SNTG1: variants seen among roughly 807,000 people sequenced by gnomAD.
SNTG1 encodes the protein gamma-1-syntrophin.
A neutral mutation model predicts 74.7 loss-of-function variants in SNTG1; 39 were observed. That is an observed-to-expected ratio of 0.52 (90% CI 0.40 to 0.68). The LOEUF is 0.68. Ranked by LOEUF, SNTG1 falls within the 30% of genes least tolerant of loss-of-function variation. The pLI, the probability that SNTG1 is intolerant of heterozygous loss-of-function variation, is 0.00. For synonymous variants in SNTG1, 254 were observed against 217.1 expected (o/e 1.17, Z -1.49); for missense variants, 685 against 609.5 (o/e 1.12, Z -1.30).
chr8:50,677,639 A>T (rs2095314484), intron 15 of SNTG1, among the ~76,000 whole-genome samples: 1 of 152,010 alleles, frequency 6.6e-6, no homozygotes, highest in South Asian at 2.1e-4. Context: ...ATGATTGTAA[A>T]ACTGTTTGAC....
At chr8:50,102,284 T>C (rs1281294722) in intron 1 of SNTG1, among the ~76,000 whole-genome samples, 1 of 151,632 alleles carries the variant, frequency 6.6e-6, no homozygotes, top group Non-Finnish European at 1.5e-5. Context: ...CATTGTGGTT[T>C]TGATTTGCAT....
intron 12 of SNTG1, among the ~76,000 whole-genome samples, chr8:50,569,382 C>G (rs551336069): frequency 6.6e-6 from 1 of 151,210 alleles, no homozygotes; most frequent in African/African-American, 2.4e-5. Context: ...ATATTTTACA[C>G]ACTTACGTGC....
At chr8:50,210,869 G>A (rs931901836) in intron 2 of SNTG1, among the ~76,000 whole-genome samples, 53 of 152,234 alleles carry the variant, frequency 3.5e-4, no homozygotes, top group Admixed American at 8.5e-4. Flanking sequence ...GTTAAAAAAT[G>A]TACCATATTA....
At chr8:49,953,779 C>A (rs866901787) in intron 1 of SNTG1, among the ~76,000 whole-genome samples, 7 of 152,194 alleles carry the variant, frequency 4.6e-5, no homozygotes, top group Middle Eastern at 6.8e-3. Flanking sequence ...GAAGACACAT[C>A]CTGTCAGAAA....
chr8:49,919,519 G>A (rs1399784245), intron 1 of SNTG1, among the ~76,000 whole-genome samples: 1 of 152,078 alleles, frequency 6.6e-6, no homozygotes, highest in Non-Finnish European at 1.5e-5. Context: ...CTCAGCAAAA[G>A]TGGGCTCATT....
chr8:50,485,184 G>T (rs2093780089), intron 8 of SNTG1, among the ~76,000 whole-genome samples: 1 of 152,142 alleles, frequency 6.6e-6, no homozygotes, highest in African/African-American at 2.4e-5. Flanking sequence ...TGGAAAAACG[G>T]CTGGGACCAT....
At chr8:50,287,608 T>C (rs1179945516) in intron 2 of SNTG1, among the ~76,000 whole-genome samples, 1 of 152,164 alleles carries the variant, frequency 6.6e-6, no homozygotes, top group East Asian at 1.9e-4. Context: ...TTATCTCCTT[T>C]CTGCTTCAGT....
chr8:49,964,236 A>G (rs1336808597), intron 1 of SNTG1, among the ~76,000 whole-genome samples: 3 of 152,238 alleles, frequency 2.0e-5, no homozygotes, highest in Non-Finnish European at 1.5e-5. Flanking sequence ...TCAGTTGAAG[A>G]CCTTGGAAGG....
chr8:50,514,227 T>C (rs1000925489), intron 9 of SNTG1, among the ~76,000 whole-genome samples: 1 of 152,208 alleles, frequency 6.6e-6, no homozygotes, highest in Non-Finnish European at 1.5e-5. Context: ...CTCTAATCTT[T>C]ATAATGGCTC....
chr8:50,249,411 A>T (rs2086545753), intron 2 of SNTG1, among the ~76,000 whole-genome samples: 1 of 152,226 alleles, frequency 6.6e-6, no homozygotes, highest in Non-Finnish European at 1.5e-5. Flanking sequence ...GCCTCACCTC[A>T]GCAGAGAGGT....
chr8:50,592,111 T>C (rs767532179), intron 13 of SNTG1, among the ~76,000 whole-genome samples: 1 of 152,180 alleles, frequency 6.6e-6, no homozygotes, highest in Non-Finnish European at 1.5e-5. Flanking sequence ...GGTGTCATCC[T>C]GAGAGCTACA....
rs74334568 is a variant in SNTG1, at chr8:50,272,511, A to C, written c.-28+99876A>C. Among the ~76,000 whole-genome samples the C allele has an allele frequency of 5.4e-3, 817 of 152,272 alleles. 11 individuals are homozygous for C. The highest frequency in any genetic ancestry group is 0.019 in the African/African-American group (783 of 41,562). On this transcript the variant is annotated intron_variant, in intron 2 of 18. Transcript: ENST00000642720. ...CAGGACATGAAGATTGTTCACAGCA[A>C]AAATTGGCACTGGCTTCAGCCTTCC...
chr8:50,306,093 T>C (rs1440429234), intron 2 of SNTG1, among the ~76,000 whole-genome samples: 3 of 150,248 alleles, frequency 2.0e-5, no homozygotes, highest in Non-Finnish European at 3.0e-5. Context: ...TATCACTTTG[T>C]ATGCCTTTGT....
chr8:50,615,271 A>G (rs1326714278), intron 13 of SNTG1, among the ~76,000 whole-genome samples: 2 of 152,090 alleles, frequency 1.3e-5, no homozygotes, highest in East Asian at 3.8e-4. Flanking sequence ...GAAAATTAGA[A>G]GTTAATGAAT....
intron 1 of SNTG1, among the ~76,000 whole-genome samples, chr8:50,037,761 A>G (rs1818284367): frequency 6.6e-6 from 1 of 152,236 alleles, no homozygotes; most frequent in South Asian, 2.1e-4. Context: ...TGGTTTGAAT[A>G]AAATGGGTAA....
intron 8 of SNTG1, among the ~76,000 whole-genome samples, chr8:50,493,695 A>AT (rs1156321957): frequency 2.6e-5 from 4 of 151,338 alleles, no homozygotes. Flanking sequence ...ATAAGTGTAT[A>AT]ATTTTTAAAA....
intron 1 of SNTG1, among the ~76,000 whole-genome samples, chr8:50,081,120 T>C (rs1822363523): frequency 6.6e-6 from 1 of 152,186 alleles, no homozygotes; most frequent in Non-Finnish European, 1.5e-5. Flanking sequence ...TATTTACCAT[T>C]TGTGACACTT....
rs532208737 is a variant in SNTG1, at chr8:50,585,038, A to T, written c.811-5841A>T. 2.2e-4 allele frequency among the ~76,000 whole-genome samples: 33 copies of T among 152,272 alleles called. No individual in the cohort carries two copies. In the East Asian group the frequency reaches 5.8e-3, roughly 27 times the overall value. Reference sequence around the variant, plus strand: ...CATTGGCTCTGGGTCATTCATACAGAATTTTCATAGATAGAACTTACTTGT... The same window carrying T: ...CATTGGCTCTGGGTCATTCATACAGTATTTTCATAGATAGAACTTACTTGT... On this transcript the variant is annotated intron_variant, in intron 12 of 18. Coordinates refer to ENST00000642720, the MANE Select transcript of SNTG1 (RefSeq NM_018967.5).
chr8:49,938,636 T>TTTCTTTCTTTCTTTCTTTCTTTCTTTCC (rs1808391627), intron 1 of SNTG1, among the ~76,000 whole-genome samples: 1 of 143,492 alleles, frequency 7.0e-6, no homozygotes, highest in Non-Finnish European at 1.5e-5. Flanking sequence ...TCTTTCTTTC[T>TTTCTTTCTTTCTTTCTTTCTTTCTTTCC]TTCTTTCCTT....
Sources: allele counts gnomAD v4.1 joint callset (sites outside exome capture counted in the v4.1 genomes callset), GRCh38; gene constraint gnomAD v4.1.1; transcripts MANE v1.5; gene names NCBI Gene and HGNC (gene_info 2026-07-23, HGNC 2026-07-21).